RNF138: variants seen among roughly 807,000 people sequenced by gnomAD.
The protein encoded by RNF138 is E3 ubiquitin-protein ligase RNF138.
In RNF138, 12 loss-of-function variants were observed where a neutral mutation model predicts 31.0. The ratio of observed to expected loss-of-function variants is 0.39; its 90% CI spans 0.25 to 0.63. The LOEUF is 0.63. RNF138 is among the 20% of genes least tolerant of loss of function. RNF138 has a pLI of 0.52. For synonymous variants in RNF138, 105 were observed against 99.5 expected, an observed-to-expected ratio of 1.06 and a Z score of -0.33; for missense variants, 192 against 300.1, an observed-to-expected ratio of 0.64 and a Z score of 2.66.
chr18:32,092,804 T>A lies in RNF138; in HGVS notation c.28T>A (p.Ser10Thr). 6.3e-7 allele frequency: 1 copy of A among 1,595,726 alleles called. No homozygotes were observed. Among genetic ancestry groups the A allele is most frequent in the Non-Finnish European group, 8.5e-7 (1 of 1,173,896 alleles). The change falls in exon 2 of 8, where the codon TCC (serine) becomes ACC (threonine). Residue 10 changes from serine (S) to threonine (T), a missense_variant. By Grantham distance (58) the Ser-to-Thr change is moderately conservative (BLOSUM62 1). Around this residue, in one of 2 missense-constraint regions of RNF138, gnomAD observed 52 missense variants for 48.4 expected, o/e 1.07. Transcript: ENST00000261593. The stretch of plus-strand genomic sequence containing the variant: ...GGCCGAGGACCTCTCTGCGGCCACG[T>A]CCTACACCGAAGATGATTTCTACTG... The part of the protein sequence containing the change: MAEDLSAAT[S>T]YTEDDFYCPV...
chr18:32,127,847 G>A (rs1361838441), intron 7 of RNF138, among the ~76,000 whole-genome samples: 6 of 152,196 alleles, frequency 3.9e-5, no homozygotes, highest in Admixed American at 6.5e-5. Context: ...TTGGGAGGCC[G>A]AGGTGGGTGG....
intron 2 of RNF138, among the ~76,000 whole-genome samples, chr18:32,104,422 A>T (rs928843628): frequency 2.6e-5 from 4 of 152,342 alleles, no homozygotes; most frequent in African/African-American, 9.6e-5. Context: ...CTAGTCAAAG[A>T]AGTCTGCATC....
At chr18:32,097,977 T>TGTGTGTG (rs763759065) in intron 2 of RNF138, among the ~76,000 whole-genome samples, 2,229 of 49,734 alleles carry the variant, frequency 0.045, 21 homozygotes, top group Non-Finnish European at 0.059. Context: ...TGTGTGTGTG[T>TGTGTGTG]TATTTTTGTT....
In RNF138 at chr18:32,093,498, G is replaced by A. The variant is rs149876783; in HGVS notation, c.110+612G>A. ...TTTCCAGTCCACTATGTGTTAGAGG[G>A]ATCTAGAATGAGTTTTCTTCTCTGG... On this transcript the variant is annotated intron_variant, in intron 2 of 7. Transcript: ENST00000261593. Among the ~76,000 whole-genome samples the A allele has an allele frequency of 3.0e-3, 464 of 152,326 alleles. 2 individuals carry two copies. The highest frequency in any genetic ancestry group is 9.5e-3 in the African/African-American group (395 of 41,586).
intron 4 of RNF138, among the ~76,000 whole-genome samples, chr18:32,116,805 G>A (rs1028092063): frequency 5.9e-5 from 9 of 152,142 alleles, no homozygotes; most frequent in African/African-American, 2.2e-4. Flanking sequence ...TGCTGGTCTC[G>A]AACTCCTGAC....
chr18:32,092,926 C>T (rs762597705), intron 2 of RNF138, 40 bp downstream of exon 2: 1 of 1,228,084 alleles, frequency 8.1e-7, no homozygotes, highest in South Asian at 1.4e-5. Context: ...GCCGGGTTGT[C>T]GCTTAGGCCC....
At position 32,119,851 on chromosome 18, in the gene RNF138, G is replaced by T. The variant is rs749324887; in HGVS notation, c.393-3667G>T. Among the ~76,000 whole-genome samples the T allele has an allele frequency of 2.6e-4, 40 of 151,996 alleles. No homozygotes were observed. In the Middle Eastern group the frequency reaches 0.01, roughly 39 times the overall value. ...AATGAGCCCCCTTTTTTTCCTGTTT[G>T]ATAATCTAATTAGTTATTACTAGAG... On this transcript the variant is annotated intron_variant, in intron 4 of 7. Transcript: ENST00000261593.
Position 32,105,241 on chromosome 18 carries a change from G to GCC in RNF138, c.111-6512_111-6511dup, listed in dbSNP as rs550336487. Among the ~76,000 whole-genome samples the GCC allele has an allele frequency of 7.0e-3, 1,067 of 152,162 alleles. 10 individuals carry two copies. The highest frequency in any genetic ancestry group is 0.024 in the African/African-American group (991 of 41,514). Reference sequence around the variant, plus strand: ...TGAGTAGCTGGGATTACATGCACCTGCCACCATACATGGCTAATTTTTGTA... The same window carrying GCC: ...TGAGTAGCTGGGATTACATGCACCTGCCCCACCATACATGGCTAATTTTTGTA... On this transcript the variant is annotated intron_variant, in intron 2 of 7. Transcript: ENST00000261593.
intron 4 of RNF138, among the ~76,000 whole-genome samples, chr18:32,118,841 AAAT>A (rs370275912): frequency 2.6e-3 from 388 of 152,102 alleles, no homozygotes; most frequent in Non-Finnish European, 3.5e-3. Context: ...AAAAAAAAGA[AAAT>A]AATAATAATA....
chr18:32,099,953 A>C (rs1054075281), intron 2 of RNF138, among the ~76,000 whole-genome samples: 22 of 152,224 alleles, frequency 1.4e-4, no homozygotes, highest in African/African-American at 4.8e-4. Context: ...ACATCACACA[A>C]GAATAATTGC....
chr18:32,103,878 T>C (rs2039983371), intron 2 of RNF138, among the ~76,000 whole-genome samples: 1 of 133,416 alleles, frequency 7.5e-6, no homozygotes, highest in African/African-American at 2.8e-5. Flanking sequence ...AGGCAGGAGA[T>C]GGTGTGAACC....
At chr18:32,115,669 T>C (rs910980672) in intron 4 of RNF138, among the ~76,000 whole-genome samples, 2 of 152,038 alleles carry the variant, frequency 1.3e-5, no homozygotes, top group Non-Finnish European at 1.5e-5. Flanking sequence ...CACTTGACCC[T>C]AGGAAACGGA....
At chr18:32,109,157 CTT>C (rs200179767) in intron 2 of RNF138, among the ~76,000 whole-genome samples, 12 of 143,158 alleles carry the variant, frequency 8.4e-5, no homozygotes, top group Admixed American at 1.4e-4. Flanking sequence ...CTTTTTCTTT[CTT>C]TTTTTTTTTT....
intron 3 of RNF138, among the ~76,000 whole-genome samples, chr18:32,112,662 A>G (rs529179027): frequency 2.6e-5 from 4 of 152,070 alleles, no homozygotes; most frequent in African/African-American, 9.7e-5. Flanking sequence ...AAACTGGGCA[A>G]CAAGAGCGAA....
chr18:32,107,923 C>G (rs918964996), intron 2 of RNF138, among the ~76,000 whole-genome samples: 2 of 151,532 alleles, frequency 1.3e-5, no homozygotes, highest in South Asian at 2.1e-4. Flanking sequence ...GGCGCGATCT[C>G]GGCTCACTGC....
intron 7 of RNF138, among the ~76,000 whole-genome samples, chr18:32,127,086 T>G (rs2040396203): frequency 6.6e-6 from 1 of 152,136 alleles, no homozygotes; most frequent in Admixed American, 6.5e-5. Flanking sequence ...TGTCAAGATT[T>G]AAGGGAAAAT....
In RNF138 at chr18:32,101,378, C is replaced by T. The variant is rs562084744; in HGVS notation, c.110+8492C>T. Among the ~76,000 whole-genome samples the T allele has an allele frequency of 8.6e-5, 13 of 151,946 alleles. No homozygotes were observed. In the South Asian group the frequency reaches 2.3e-3, roughly 27 times the overall value. ...GGATTACAGGCGTGCACCACCACTC[C>T]TGGCTAATTTTTGTGTATATATATA... On this transcript the variant is annotated intron_variant, in intron 2 of 7. Coordinates refer to ENST00000261593, the MANE Select transcript of RNF138 (RefSeq NM_016271.5).
intron 4 of RNF138, among the ~76,000 whole-genome samples, chr18:32,115,877 T>C (rs1278153486): frequency 6.6e-6 from 1 of 152,228 alleles, no homozygotes; most frequent in Non-Finnish European, 1.5e-5. Context: ...TCACATGCCT[T>C]AGCCATGTTG....
intron 4 of RNF138, among the ~76,000 whole-genome samples, chr18:32,118,398 G>A (rs2040250333): frequency 6.6e-6 from 1 of 151,960 alleles, no homozygotes; most frequent in Non-Finnish European, 1.5e-5. Context: ...GCCAGGCGTG[G>A]TGGCACACAC....
Sources: gnomAD v4.1 joint callset for allele counts (sites outside exome capture counted in the v4.1 genomes callset) on GRCh38, gnomAD v4.1.1 for gene constraint, gnomAD v4.1.1 regional missense constraint, MANE v1.5 for transcripts, NCBI Gene and HGNC (gene_info 2026-07-23, HGNC 2026-07-21) for gene names.